The following STAT5B variants were observed in gnomAD, a reference collection of about 807,000 sequenced individuals.
The protein encoded by STAT5B is signal transducer and activator of transcription 5B.
STAT5B carries 21 observed loss-of-function variants against 107.8 expected under a neutral mutation model. The observed-to-expected ratio is 0.19, with a 90% confidence interval of 0.14 to 0.28. STAT5B has a LOEUF of 0.28. Ranked by LOEUF, STAT5B falls within the 10% of genes least tolerant of loss-of-function variation. The pLI is 1.00. For missense variants in STAT5B, 565 were observed against 1,008.2 expected (o/e 0.56, Z 5.95); for synonymous variants, 325 against 401.7 (o/e 0.81, Z 2.28).
At chr17:42,201,887 T>C in intron 18 of STAT5B, 23 bp from the exon 19 acceptor site, 1 of 1,612,342 alleles carries the variant, frequency 6.2e-7, no homozygotes, top group Non-Finnish European at 8.5e-7. Context: ...AGAAGAGGGA[T>C]GAAGGGAAGG....
At chr17:42,265,424 G>A (rs2080661828) in intron 1 of STAT5B, among the ~76,000 whole-genome samples, 1 of 138,702 alleles carries the variant, frequency 7.2e-6, no homozygotes, top group South Asian at 2.3e-4. Flanking sequence ...AGGCTGGAGT[G>A]CAGTAGTGTG....
chr17:42,269,481 A>G (rs567372837), intron 1 of STAT5B: 5 of 152,334 alleles, frequency 3.3e-5, no homozygotes, highest in Middle Eastern at 3.4e-3. Context: ...CTCATCAGAC[A>G]TAGAAAAAAA....
chr17:42,248,798 C>T (rs1335642551), intron 1 of STAT5B, among the ~76,000 whole-genome samples: 2 of 152,250 alleles, frequency 1.3e-5, no homozygotes, highest in African/African-American at 2.4e-5. Context: ...AGGTCAGCTG[C>T]CTCAGACAGA....
At chr17:42,234,512 G>A (rs1231520318) in intron 1 of STAT5B, 5 of 152,234 alleles carry the variant, frequency 3.3e-5, no homozygotes, top group East Asian at 1.9e-4. Context: ...AAATCATATC[G>A]CAAGATTTTG....
chr17:42,231,880 A>G (rs2080320294), intron 2 of STAT5B, 120 bp downstream of exon 2: 1 of 1,470,856 alleles, frequency 6.8e-7, no homozygotes, highest in Non-Finnish European at 9.3e-7. Context: ...CTTTTTATGG[A>G]TCACATTTAA....
At chr17:42,255,821 C>G (rs916772226) in intron 1 of STAT5B, among the ~76,000 whole-genome samples, 2 of 152,138 alleles carry the variant, frequency 1.3e-5, no homozygotes, top group Admixed American at 6.5e-5. Flanking sequence ...CCGGGCACAG[C>G]GGCTCGCGCC....
At chr17:42,287,240 A>G in the STAT5B span, among the ~76,000 whole-genome samples, 1 of 149,318 alleles carries the variant, frequency 6.7e-6, no homozygotes, top group Admixed American at 6.7e-5. Flanking sequence ...TGAAACTGGG[A>G]GAGGTAGTAA....
At chr17:42,271,649 T>G (rs1206303388) in intron 1 of STAT5B, 2 of 152,218 alleles carry the variant, frequency 1.3e-5, no homozygotes, top group African/African-American at 2.4e-5. Context: ...CAGTAGATTT[T>G]GCAAGCTAGC....
intron 15 of STAT5B, among the ~76,000 whole-genome samples, chr17:42,208,073 T>C (rs2080100557): frequency 6.6e-6 from 1 of 152,234 alleles, no homozygotes; most frequent in East Asian, 1.9e-4. Context: ...TTTGTATTTT[T>C]AGTAGAGATG....
chr17:42,268,117 T>C (rs1411878788), intron 1 of STAT5B, among the ~76,000 whole-genome samples: 2 of 152,192 alleles, frequency 1.3e-5, no homozygotes, highest in Non-Finnish European at 2.9e-5. Flanking sequence ...GTCCTAGGCC[T>C]TCACATTCAC....
chr17:42,262,980 A>G (rs1386627140), intron 1 of STAT5B, among the ~76,000 whole-genome samples: 42 of 35,066 alleles, frequency 1.2e-3, no homozygotes, highest in African/African-American at 3.2e-3. Flanking sequence ...GTATATATAT[A>G]TATATATATA....
At chr17:42,205,587 G>A (rs1162451564) in intron 16 of STAT5B, among the ~76,000 whole-genome samples, 1 of 152,166 alleles carries the variant, frequency 6.6e-6, no homozygotes, top group Admixed American at 6.5e-5. Context: ...TGTATGGCTA[G>A]CTTCCTCACT....
At position 42,276,301 on chromosome 17, in the gene STAT5B, CCCGCCCGCCCGCTCGCTCCCTCCCT is replaced by C. The variant is rs891982351; in HGVS notation, c.-89_-65del. The C allele has an allele frequency of 6.1e-5, 9 of 147,436 alleles. No individual in the cohort carries two copies. The highest frequency in any genetic ancestry group is 2.0e-4 in the African/African-American group (8 of 40,934). The allele number at this position is 147,436 out of a possible 1,614,324, so 9.1% of individuals were successfully genotyped here. A position where few individuals can be genotyped will look rare whatever the true frequency, so the allele number is the denominator to read the frequency against. ...TGCTCCGGCCCAGCTGTCTGGCTTG[CCCGCCCGCCCGCTCGCTCCCTCCCT>C]CGGCCGGGCCGCCGCGCGGAGTTGC... On this transcript the variant is annotated 5_prime_UTR_variant, in exon 1 of 19. Coordinates refer to ENST00000293328, the MANE Select transcript of STAT5B (RefSeq NM_012448.4). This position sits in a 1 kb window ranked among gnomAD's most constrained non-coding sequence, Gnocchi z 4.8.
chr17:42,263,889 ACAC>A (rs2080642325), intron 1 of STAT5B, among the ~76,000 whole-genome samples: 1 of 151,042 alleles, frequency 6.6e-6, no homozygotes, highest in African/African-American at 2.4e-5. Context: ...ACACACACAC[ACAC>A]ACACACACAC....
At chr17:42,210,038 C>A in intron 15 of STAT5B, 133 bp downstream of exon 15, 2 of 1,363,610 alleles carry the variant, frequency 1.5e-6, no homozygotes, top group South Asian at 2.6e-5. Flanking sequence ...ATGAGTATGT[C>A]ATGGCTATAC....
the STAT5B span, among the ~76,000 whole-genome samples, chr17:42,285,098 C>CT: frequency 9.5e-5 from 13 of 137,352 alleles, no homozygotes; most frequent in Admixed American, 1.4e-4. Flanking sequence ...TTTTTCTTTT[C>CT]TTTTTTTTTG....
intron 17 of STAT5B, 128 bp downstream of exon 17, chr17:42,202,629 G>T: frequency 6.5e-7 from 1 of 1,549,932 alleles, no homozygotes; most frequent in Non-Finnish European, 8.9e-7. Context: ...ACCAAGCCCA[G>T]GTCCTTCCCC....
At chr17:42,260,114 C>A in intron 1 of STAT5B, among the ~76,000 whole-genome samples, 1 of 152,198 alleles carries the variant, frequency 6.6e-6, no homozygotes. Flanking sequence ...GCTAGTGCGA[C>A]TGGGGAACTG....
chr17:42,262,968 GTGTATATATATATA>G (rs1403170793), intron 1 of STAT5B, among the ~76,000 whole-genome samples: 21 of 32,698 alleles, frequency 6.4e-4, no homozygotes, highest in African/African-American at 1.4e-3. Context: ...GTGTGTGTGT[GTGTATATATATATA>G]TATATATATA....
Sources: allele counts gnomAD v4.1 joint callset (sites outside exome capture counted in the v4.1 genomes callset), GRCh38; gene constraint gnomAD v4.1.1; non-coding constraint Gnocchi (gnomAD v3.1); transcripts MANE v1.5; gene names NCBI Gene and HGNC (gene_info 2026-07-23, HGNC 2026-07-21).